RTEL1: variants seen among roughly 807,000 people sequenced by gnomAD.
RTEL1 encodes regulator of telomere length.
A neutral mutation model predicts 162.2 loss-of-function variants in RTEL1; 86 were observed. The observed-to-expected ratio is 0.53, with a 90% confidence interval of 0.45 to 0.63. The LOEUF is 0.63. Among genes scored for constraint, RTEL1 ranks in the 30% least tolerant of loss-of-function variants. RTEL1 has a pLI of 0.00. For synonymous variants in RTEL1, 958 were observed against 717.9 expected, an observed-to-expected ratio of 1.33 and a Z score of -5.35; for missense variants, 1,941 against 1,750.2, an observed-to-expected ratio of 1.11 and a Z score of -1.95.
chr20:63,667,601 C>A, intron 8 of RTEL1, 48 bp downstream of exon 8: 2 of 1,489,284 alleles, frequency 1.3e-6, no homozygotes, highest in Non-Finnish European at 1.9e-6. Flanking sequence ...CCAGGGGTGT[C>A]CCTGGGCTTG....
Position 63,679,949 on chromosome 20 carries a change from G to A in RTEL1, c.1135+3G>A. 2 of 1,607,520 alleles carry A rather than the reference G, an allele frequency of 1.2e-6. No homozygotes were observed. Among genetic ancestry groups the A allele is most frequent in the Non-Finnish European group, 1.7e-6 (2 of 1,176,148 alleles). On this transcript the variant is annotated splice_donor_region_variant and intron_variant, in intron 13 of 34. Transcript: ENST00000360203. ...GATCATCCAGCACCTGGCAGGACGT[G>A]AGTGCTGGCACGGGGTCTTTGGTGC...
intron 30 of RTEL1, among the ~76,000 whole-genome samples, chr20:63,693,948 CCT>C (rs1311557181): frequency 1.3e-5 from 2 of 151,356 alleles, no homozygotes; most frequent in African/African-American, 2.4e-5. Context: ...CCCTGTCCTC[CCT>C]GTTTCTGCCT....
Position 63,668,735 on chromosome 20 carries a change from C to G in RTEL1, c.699+1182C>G, listed in dbSNP as rs1286417874. ...CCCCTGGGAACCATCTGGAGAGCTT[C>G]TAACCCAACCAGGCCCCTCCCTGGG... On this transcript the variant is annotated intron_variant, in intron 8 of 34. Coordinates refer to ENST00000360203, the MANE Select transcript of RTEL1 (RefSeq NM_001283009.2). This position sits in a 1 kb window ranked among gnomAD's most constrained non-coding sequence, Gnocchi z 4.3. Among the ~76,000 whole-genome samples the G allele has an allele frequency of 1.3e-5, 2 of 152,290 alleles. No individual in the cohort carries two copies. Among genetic ancestry groups the G allele is most frequent in the East Asian group, 3.9e-4 (2 of 5,182 alleles).
intron 9 of RTEL1, among the ~76,000 whole-genome samples, chr20:63,673,208 A>G (rs1284153788): frequency 1.3e-5 from 2 of 152,004 alleles, no homozygotes; most frequent in African/African-American, 4.8e-5. Flanking sequence ...CCTGGCCAAC[A>G]TAGTGAAACA....
chr20:63,669,332 G>A (rs1187792476), intron 8 of RTEL1, among the ~76,000 whole-genome samples: 1 of 152,172 alleles, frequency 6.6e-6, no homozygotes, highest in Admixed American at 6.5e-5. Context: ...GTTATAGAAA[G>A]GAACATGGGG....
intron 27 of RTEL1, 109 bp from the exon 28 acceptor site, chr20:63,691,633 T>G: frequency 5.4e-6 from 5 of 918,670 alleles, no homozygotes; most frequent in African/African-American, 1.7e-5. Flanking sequence ...CCGACCTCCA[T>G]CTTGGCTCAG....
At chr20:63,670,907 G>A (rs187888371) in intron 8 of RTEL1, among the ~76,000 whole-genome samples, 1,782 of 152,190 alleles carry the variant, frequency 0.012, 70 homozygotes, top group Non-Finnish European at 8.4e-3. Flanking sequence ...AGCAGCCCGC[G>A]TGAGCCCATC....
intron 6 of RTEL1, chr20:63,665,228 G>GGA (rs938129424): frequency 6.5e-6 from 1 of 152,756 alleles, no homozygotes; most frequent in Non-Finnish European, 1.5e-5. Flanking sequence ...CAGCCATGAT[G>GGA]GAGTCGGGAG....
Position 63,696,226 on chromosome 20 carries a change from A to T in RTEL1, c.*368A>T. On this transcript the variant is annotated 3_prime_UTR_variant, in exon 35 of 35. Transcript: ENST00000360203. ...TAATCAGGGGACAGGGCTCTCTAAT[A>T]AAGCTGCTGGCAGTGCCCAGGACGG... 1 of 347,434 alleles carries T rather than the reference A, an allele frequency of 2.9e-6. No individual in the cohort carries two copies. Among genetic ancestry groups the T allele is most frequent in the Admixed American group, 4.4e-5 (1 of 22,690 alleles). 21.5% of individuals were successfully genotyped at this position (347,434 alleles called of 1,614,324 possible).
In RTEL1 at chr20:63,661,532, TG is replaced by T; in HGVS notation, c.301+40del. 1 of 1,584,238 alleles carries T rather than the reference TG, an allele frequency of 6.3e-7. No individual in the cohort carries two copies. Among genetic ancestry groups the T allele is most frequent in the Non-Finnish European group, 8.6e-7 (1 of 1,168,130 alleles). ...TTCCCAGGCCTCTCCTGGCCTCCTG[TG>T]GGGATGGTTGGCAAGGGATGGCGCT... is the stretch of plus-strand genomic sequence containing the variant. On this transcript the variant is annotated intron_variant, in intron 3 of 34. Transcript: ENST00000360203. The surrounding 1 kb of genome is among the most constrained non-coding windows in gnomAD (Gnocchi z 5.1).
intron 16 of RTEL1, chr20:63,686,314 G>C (rs1233614686): frequency 4.7e-6 from 1 of 212,676 alleles, no homozygotes; most frequent in Non-Finnish European, 9.6e-6. Context: ...TCAGCCCCGA[G>C]GCCCCACGTG....
chr20:63,692,883 A>C lies in RTEL1; in HGVS notation c.2731A>C (p.Asn911His), dbSNP rs754727644. The C allele has an allele frequency of 1.1e-5, 17 of 1,612,476 alleles. No individual in the cohort carries two copies. The highest frequency in any genetic ancestry group is 1.4e-5 in the Non-Finnish European group (17 of 1,179,850). Residue 911 changes from asparagine (N) to histidine (H), a missense_variant, in exon 29 of 35, where the codon AAC becomes CAC. Transcript: ENST00000360203. ...CGTGAAGCAGGAGTTGAGCCAAGCC[A>C]ACTTTGCCACCTTCACCCAGGCCCT... is the stretch of plus-strand genomic sequence containing the variant. ...VAVKQELSQA[N>H]FATFTQALQD... is the part of the protein sequence containing the mutation.
chr20:63,688,474 A>G (rs890489721), intron 20 of RTEL1, 54 bp from the exon 21 acceptor site: 16 of 1,607,658 alleles, frequency 1.0e-5, no homozygotes, highest in Non-Finnish European at 1.4e-5. Context: ...GCTTGCCCTC[A>G]TCGGATCGGC....
At chr20:63,678,858 A>G (rs1466061624) in intron 12 of RTEL1, among the ~76,000 whole-genome samples, 17 of 129,190 alleles carry the variant, frequency 1.3e-4, no homozygotes, top group Non-Finnish European at 2.3e-4. Flanking sequence ...CCCACGGAAC[A>G]GCAGACTCTC....
chr20:63,671,971 C>T (rs1289377937), intron 8 of RTEL1, among the ~76,000 whole-genome samples: 1 of 152,074 alleles, frequency 6.6e-6, no homozygotes, highest in African/African-American at 2.4e-5. Flanking sequence ...TTAACCTCTG[C>T]CTCCCAGATG....
At chr20:63,693,468 T>TCCACCACCACCACCACCACCA (rs1568720038) in intron 30 of RTEL1, among the ~76,000 whole-genome samples, 185 bp downstream of exon 30, 1 of 9,750 alleles carries the variant, frequency 1.0e-4, no homozygotes, top group Non-Finnish European at 2.1e-4. Context: ...CACCTCCACC[T>TCCACCACCACCACCACCACCA]CCACCTCCAC....
rs1454614363 is a variant in RTEL1, at chr20:63,669,108, G to A, written c.699+1555G>A. ...AGCGATTCTCCCACATCAGCCTCCC[G>A]AGTAGCTGGGATTACAGGCGTGCGC... On this transcript the variant is annotated intron_variant, in intron 8 of 34. Transcript: ENST00000360203. Among the ~76,000 whole-genome samples the A allele has an allele frequency of 3.3e-5, 5 of 152,084 alleles. No individual in the cohort carries two copies. The East Asian group carries it at 9.6e-4, about 29-fold the overall frequency.
At chr20:63,690,503 G>GGGGGGGGGC in intron 26 of RTEL1, 62 bp downstream of exon 26, 7 of 1,028,410 alleles carry the variant, frequency 6.8e-6, no homozygotes, top group East Asian at 2.6e-5. Context: ...CGTGGGGCGG[G>GGGGGGGGGC]CAGCACCAGG....
intron 8 of RTEL1, 116 bp from the exon 9 acceptor site, chr20:63,672,440 C>T (rs1264736859): frequency 7.2e-6 from 6 of 828,280 alleles, no homozygotes; most frequent in South Asian, 1.5e-5. Flanking sequence ...TCGACATCGC[C>T]GGCGCTGTTG....
Sources: allele counts gnomAD v4.1 joint callset (sites outside exome capture counted in the v4.1 genomes callset), GRCh38; gene constraint gnomAD v4.1.1; non-coding constraint Gnocchi (gnomAD v3.1); transcripts MANE v1.5; gene names NCBI Gene and HGNC (gene_info 2026-07-23, HGNC 2026-07-21).